The following PDE4D variants were observed in gnomAD, a reference collection of about 807,000 sequenced individuals.
PDE4D encodes the protein 3',5'-cyclic-AMP phosphodiesterase 4D.
A neutral mutation model predicts 87.4 loss-of-function variants in PDE4D; 24 were observed. The ratio of observed to expected loss-of-function variants is 0.27; its 90% CI spans 0.20 to 0.39. The LOEUF (loss-of-function observed/expected upper bound fraction) is 0.39, where lower values mean the gene tolerates loss of function less well. PDE4D is among the 10% of genes least tolerant of loss of function. The pLI is 1.00. For synonymous variants in PDE4D, 384 were observed against 383.2 expected (o/e 1.00, Z -0.02); for missense variants, 714 against 1,041.0 (o/e 0.69, Z 4.32).
chr5:59,231,065 A>AT (rs1365856883), intron 1 of PDE4D, among the ~76,000 whole-genome samples: 1 of 152,180 alleles, frequency 6.6e-6, no homozygotes, highest in African/African-American at 2.4e-5. Context: ...ATGATTTCTT[A>AT]TATTGGGTGA....
intron 3 of PDE4D, among the ~76,000 whole-genome samples, chr5:59,905,578 A>C (rs1752727090): frequency 6.6e-6 from 1 of 152,192 alleles, no homozygotes; most frequent in African/African-American, 2.4e-5. Context: ...GTGTAACCAC[A>C]GATGGGTTAC....
At position 59,146,322 on chromosome 5, in the gene PDE4D, T is replaced by C. The variant is rs73758109; in HGVS notation, c.808+34273A>G. Among the ~76,000 whole-genome samples, 205 of 152,332 alleles carry C rather than the reference T, an allele frequency of 1.3e-3. 1 individual carries two copies. The highest frequency in any genetic ancestry group is 4.7e-3 in the African/African-American group (197 of 41,582). ...TGCTAGCCAATATGTATTTTGCTTG[T>C]ATATGCATAAGATTTGTTTACATAA... On this transcript the variant is annotated intron_variant, in intron 5 of 14. Transcript: ENST00000340635.
At chr5:59,176,288 C>T (rs894967060) in intron 5 of PDE4D, among the ~76,000 whole-genome samples, 1 of 152,176 alleles carries the variant, frequency 6.6e-6, no homozygotes, top group African/African-American at 2.4e-5. Context: ...TGTGGTGGCT[C>T]ATGCCTGTAA....
intron 1 of PDE4D, among the ~76,000 whole-genome samples, chr5:60,200,448 C>T (rs1039996484): frequency 6.7e-6 from 1 of 149,854 alleles, no homozygotes; most frequent in East Asian, 1.9e-4. Context: ...ATTCTAATCC[C>T]GAAATGAATT....
intron 5 of PDE4D, among the ~76,000 whole-genome samples, chr5:59,136,044 A>G (rs1157115450): frequency 6.7e-6 from 1 of 149,576 alleles, no homozygotes; most frequent in African/African-American, 2.5e-5. Flanking sequence ...AAAAAACCCT[A>G]AACAAATTAA....
At chr5:60,191,895 G>C (rs934980812) in intron 1 of PDE4D, among the ~76,000 whole-genome samples, 1 of 152,034 alleles carries the variant, frequency 6.6e-6, no homozygotes, top group Non-Finnish European at 1.5e-5. Context: ...AGCTACTCAA[G>C]AGGCTGAGGC....
At chr5:59,403,122 G>T (rs1010844405) in intron 1 of PDE4D, among the ~76,000 whole-genome samples, 1 of 114,876 alleles carries the variant, frequency 8.7e-6, no homozygotes, top group African/African-American at 3.9e-5. Context: ...ATTTCTGTTG[G>T]TACATAATAG....
At chr5:59,801,851 G>C (rs1471205656) in intron 1 of PDE4D, among the ~76,000 whole-genome samples, 2 of 152,070 alleles carry the variant, frequency 1.3e-5, no homozygotes, top group African/African-American at 4.8e-5. Context: ...AGGAAATGCA[G>C]AACTCAGCAG....
rs188695746 is a variant in PDE4D at position 59,329,500 on chromosome 5, C to A, written c.456-113532G>T. On this transcript the variant is annotated intron_variant, in intron 1 of 14. Coordinates refer to ENST00000340635, the MANE Select transcript of PDE4D (RefSeq NM_001104631.2). ...ACTTCTTTTGTCTACTCACTGAAGTCCTTAAATACATTATAAGAGAATATG... is the reference window on the plus strand; with the variant it reads ...ACTTCTTTTGTCTACTCACTGAAGTACTTAAATACATTATAAGAGAATATG... Among the ~76,000 whole-genome samples, 7 of 152,252 alleles carry A rather than the reference C, an allele frequency of 4.6e-5. No homozygotes were observed. In the East Asian group the frequency reaches 9.7e-4, roughly 21 times the overall value.
At chr5:60,127,437 A>G (rs1779213075) in intron 2 of PDE4D, 1 of 407,834 alleles carries the variant, frequency 2.5e-6, no homozygotes, top group African/African-American at 2.0e-5. Context: ...GATGCCAGGA[A>G]ATGGATCAAG....
intron 2 of PDE4D, among the ~76,000 whole-genome samples, chr5:60,107,354 T>C (rs975017059): frequency 1.3e-5 from 2 of 152,002 alleles, no homozygotes; most frequent in Non-Finnish European, 2.9e-5. Context: ...TCTGAAATTG[T>C]GGCAATAATC....
chr5:60,315,861 C>G (rs779112365), intron 1 of PDE4D, among the ~76,000 whole-genome samples: 79 of 152,110 alleles, frequency 5.2e-4, no homozygotes, highest in Non-Finnish European at 1.0e-3. Flanking sequence ...TGTTTTGGTA[C>G]CAGTACCATG....
chr5:59,457,800 G>A (rs1203650759), intron 1 of PDE4D, among the ~76,000 whole-genome samples: 1 of 152,118 alleles, frequency 6.6e-6, no homozygotes, highest in African/African-American at 2.4e-5. Context: ...GGAGGCTGAG[G>A]CAGGAAAATC....
At position 59,402,650 on chromosome 5, in the gene PDE4D, T is replaced by G. The variant is rs898567595; in HGVS notation, c.456-186682A>C. Among the ~76,000 whole-genome samples, 4 of 152,352 alleles carry G rather than the reference T, an allele frequency of 2.6e-5. No individual in the cohort carries two copies. In the East Asian group the frequency reaches 7.7e-4, roughly 29 times the overall value. ...GGACATTTATATCCAGAAATTTGGTTGCTTTGGTTCCTTTTATATTTACAA... is the reference window on the plus strand; with the variant it reads ...GGACATTTATATCCAGAAATTTGGTGGCTTTGGTTCCTTTTATATTTACAA... On this transcript the variant is annotated intron_variant, in intron 1 of 14. Transcript: ENST00000340635.
At chr5:59,693,538 T>G (rs1195539417) in intron 1 of PDE4D, among the ~76,000 whole-genome samples, 2 of 152,152 alleles carry the variant, frequency 1.3e-5, no homozygotes, top group Non-Finnish European at 2.9e-5. Context: ...GTGAAACAAA[T>G]GGAACTTTTA....
chr5:59,727,043 A>G (rs1409819479), intron 1 of PDE4D, among the ~76,000 whole-genome samples: 1 of 152,102 alleles, frequency 6.6e-6, no homozygotes, highest in African/African-American at 2.4e-5. Flanking sequence ...AACATACGAT[A>G]TATAATAAGG....
chr5:59,296,290 T>C (rs1430906827), intron 1 of PDE4D, among the ~76,000 whole-genome samples: 1 of 152,112 alleles, frequency 6.6e-6, no homozygotes, highest in Non-Finnish European at 1.5e-5. Context: ...ATAGTAACCA[T>C]ACAGTGGGAT....
rs543915705 is a variant in PDE4D, at chr5:59,484,643, C to T, written c.456-268675G>A. The stretch of plus-strand genomic sequence containing the variant: ...GGCAGCAGCAAACCCAAAGTTACTG[C>T]ACCTTCATTCCTGTGATACCGATTT... On this transcript the variant is annotated intron_variant, in intron 1 of 14. Coordinates refer to ENST00000340635, the MANE Select transcript of PDE4D (RefSeq NM_001104631.2). 2.0e-5 allele frequency among the ~76,000 whole-genome samples: 3 copies of T among 152,304 alleles called. No homozygotes were observed. In the East Asian group the frequency reaches 5.8e-4, roughly 29 times the overall value.
chr5:59,316,562 A>T (rs2014012), intron 1 of PDE4D, among the ~76,000 whole-genome samples: 50,543 of 152,010 alleles, frequency 0.33, 8,718 homozygotes, highest in Admixed American at 0.39. Context: ...TTATATATAA[A>T]CTGTACTCAC....
Sources: allele counts gnomAD v4.1 joint callset (sites outside exome capture counted in the v4.1 genomes callset), GRCh38; gene constraint gnomAD v4.1.1; transcripts MANE v1.5; gene names NCBI Gene and HGNC (gene_info 2026-07-23, HGNC 2026-07-21).